CCDC192: variants seen among roughly 807,000 people sequenced by gnomAD.
The protein encoded by CCDC192 is coiled-coil domain-containing protein 192.
intron 2 of CCDC192, among the ~76,000 whole-genome samples, chr5:127,719,059 C>G (rs1455402352): frequency 6.6e-6 from 1 of 152,124 alleles, no homozygotes; most frequent in Admixed American, 6.5e-5. Context: ...CAGACCCCTT[C>G]CAGCTTCTGT....
intron 3 of CCDC192, among the ~76,000 whole-genome samples, chr5:127,779,938 G>A (rs1466903893): frequency 6.7e-6 from 1 of 149,594 alleles, no homozygotes; most frequent in Non-Finnish European, 1.5e-5. Flanking sequence ...TTATACTTTT[G>A]CATCCTCATA....
chr5:127,751,161 T>C (rs958723123), intron 2 of CCDC192, among the ~76,000 whole-genome samples: 25 of 150,864 alleles, frequency 1.7e-4, no homozygotes, highest in African/African-American at 5.8e-4. Flanking sequence ...GTCATTATGA[T>C]GTTAGCTGGT....
intron 5 of CCDC192, among the ~76,000 whole-genome samples, chr5:127,871,538 G>A (rs769840640): frequency 1.2e-4 from 19 of 152,120 alleles, no homozygotes; most frequent in African/African-American, 3.1e-4. Context: ...GCATAGTGTC[G>A]GGTAATGTCA....
At chr5:127,837,961 A>ACTCCAGCC (rs147886099) in intron 5 of CCDC192, among the ~76,000 whole-genome samples, 17,683 of 152,136 alleles carry the variant, frequency 0.12, 1,327 homozygotes, top group East Asian at 0.36. Context: ...GCACTCCAGC[A>ACTCCAGCC]CTCCAGCCTG....
At chr5:127,922,774 A>G (rs564304751) in intron 6 of CCDC192, among the ~76,000 whole-genome samples, 17 of 152,186 alleles carry the variant, frequency 1.1e-4, no homozygotes, top group African/African-American at 3.6e-4. Flanking sequence ...CAAGGAGGAA[A>G]GAAAGCTTAA....
At chr5:127,882,938 T>C (rs1331062831) in intron 6 of CCDC192, among the ~76,000 whole-genome samples, 2 of 152,192 alleles carry the variant, frequency 1.3e-5, no homozygotes, top group East Asian at 3.8e-4. Context: ...GTTCTACAGG[T>C]AACCTTCTTT....
At position 127,902,353 on chromosome 5, in the gene CCDC192, GT is replaced by G. The variant is rs769152542; in HGVS notation, c.535+26705del. Reference sequence around the variant, plus strand: ...AACATAACAACAGGAAGCTATAAAAGTTTTTTTTTTTTTCCATTCTTGAATC... The same window carrying G: ...AACATAACAACAGGAAGCTATAAAAGTTTTTTTTTTTTCCATTCTTGAATC... On this transcript the variant is annotated intron_variant, in intron 6 of 6. Transcript: ENST00000514853. Among the ~76,000 whole-genome samples, 174 of 143,860 alleles carry G rather than the reference GT, an allele frequency of 1.2e-3. 1 individual carries two copies. The highest frequency in any genetic ancestry group is 4.4e-3 in the East Asian group (22 of 4,978). 94.4% of individuals were successfully genotyped at this position (143,860 alleles called of 152,430 possible). A position where few individuals can be genotyped will look rare whatever the true frequency, so the allele number is the denominator to read the frequency against.
chr5:127,780,963 A>G (rs185335205), intron 3 of CCDC192, among the ~76,000 whole-genome samples: 1 of 152,188 alleles, frequency 6.6e-6, no homozygotes, highest in East Asian at 1.9e-4. Flanking sequence ...TCAGGAAAGC[A>G]CATAAGATTT....
At position 127,926,480 on chromosome 5, in the gene CCDC192, A is replaced by T. The variant is rs569252694; in HGVS notation, c.536-14702A>T. ...TATTTTGTGAAAGAGAATTATAAGGATGTGGAGGTGAAGGAAGTTGCAGGA... is the reference window on the plus strand; with the variant it reads ...TATTTTGTGAAAGAGAATTATAAGGTTGTGGAGGTGAAGGAAGTTGCAGGA... On this transcript the variant is annotated intron_variant, in intron 6 of 6. Transcript: ENST00000514853. Among the ~76,000 whole-genome samples, 16 of 152,284 alleles carry T rather than the reference A, an allele frequency of 1.1e-4. 1 individual carries two copies. In the South Asian group the frequency reaches 2.9e-3, roughly 28 times the overall value.
intron 1 of CCDC192, among the ~76,000 whole-genome samples, chr5:127,705,127 A>AT (rs1750893116): frequency 6.6e-6 from 1 of 152,184 alleles, no homozygotes; most frequent in South Asian, 2.1e-4. Flanking sequence ...CTTTATAAAC[A>AT]TATTTGTTAA....
chr5:127,861,016 T>G (rs1430375540), intron 5 of CCDC192, among the ~76,000 whole-genome samples: 1 of 152,150 alleles, frequency 6.6e-6, no homozygotes, highest in African/African-American at 2.4e-5. Context: ...ACTTTTTTTT[T>G]CTTTTTTTGT....
At chr5:127,918,339 A>G (rs1193450578) in intron 6 of CCDC192, among the ~76,000 whole-genome samples, 1 of 152,148 alleles carries the variant, frequency 6.6e-6, no homozygotes, top group Non-Finnish European at 1.5e-5. Flanking sequence ...TCTATTTGAG[A>G]ACAACTGAAG....
chr5:127,816,325 G>T (rs1328266327), intron 5 of CCDC192, among the ~76,000 whole-genome samples: 1 of 152,198 alleles, frequency 6.6e-6, no homozygotes, highest in African/African-American at 2.4e-5. Flanking sequence ...GGCAGACAGA[G>T]ATTTGCTAGG....
intron 2 of CCDC192, among the ~76,000 whole-genome samples, chr5:127,717,928 C>CAAAAAAAAAAAAAAAAAAAAAAA: frequency 2.0e-5 from 2 of 98,072 alleles, no homozygotes; most frequent in African/African-American, 3.9e-5. Context: ...TAAAGCTAGA[C>CAAAAAAAAAAAAAAAAAAAAAAA]AAAAAAAAAA....
chr5:127,710,716 A>C (rs1366556118), intron 2 of CCDC192, among the ~76,000 whole-genome samples: 1 of 152,178 alleles, frequency 6.6e-6, no homozygotes, highest in Admixed American at 6.5e-5. Context: ...GTCTGGCATC[A>C]TCATTGTTAT....
chr5:127,760,634 G>A (rs1754861603), intron 3 of CCDC192, among the ~76,000 whole-genome samples: 1 of 150,262 alleles, frequency 6.7e-6, no homozygotes, highest in South Asian at 2.1e-4. Context: ...AAAATTCGCC[G>A]GGCATGGTGG....
chr5:127,711,438 A>C (rs73343088), intron 2 of CCDC192, among the ~76,000 whole-genome samples: 1 of 152,222 alleles, frequency 6.6e-6, no homozygotes, highest in African/African-American at 2.4e-5. Flanking sequence ...AAGTGACCTT[A>C]AAGTAGCTAA....
At chr5:127,927,755 C>A (rs1383738426) in intron 6 of CCDC192, among the ~76,000 whole-genome samples, 2 of 152,086 alleles carry the variant, frequency 1.3e-5, no homozygotes, top group Non-Finnish European at 2.9e-5. Context: ...TAGTTGCAAT[C>A]CAAGTCCACT....
intron 5 of CCDC192, among the ~76,000 whole-genome samples, chr5:127,798,665 C>T: frequency 6.6e-6 from 1 of 151,958 alleles, no homozygotes; most frequent in East Asian, 1.9e-4. Flanking sequence ...AATGCTGATG[C>T]TGCCAGTCTT....
Sources: allele counts gnomAD v4.1 joint callset (sites outside exome capture counted in the v4.1 genomes callset), GRCh38; gene constraint gnomAD v4.1.1; transcripts MANE v1.5; gene names NCBI Gene and HGNC (gene_info 2026-07-23, HGNC 2026-07-21).